ITGAM: variants seen among roughly 807,000 people sequenced by gnomAD.
The protein encoded by ITGAM is integrin subunit alpha M.
A neutral mutation model predicts 137.5 loss-of-function variants in ITGAM; 79 were observed. The observed-to-expected ratio is 0.57, with a 90% CI of 0.48 to 0.69. ITGAM has a LOEUF of 0.69. Ranked by LOEUF, ITGAM falls within the 30% of genes least tolerant of loss-of-function variation. The probability of loss-of-function intolerance (pLI) is 0.00; values close to 1 mark genes in which losing one functional copy is unlikely to be tolerated. For missense variants in ITGAM, 1,343 were observed against 1,483.5 expected (o/e 0.91, Z 1.56); for synonymous variants, 583 against 592.3 (o/e 0.98, Z 0.23).
rs932786430 is a variant in ITGAM, at chr16:31,331,159, C to T, written c.3277-6C>T. On this transcript the variant is annotated splice_region_variant and splice_polypyrimidine_tract_variant and intron_variant, in intron 28 of 29. Coordinates refer to ENST00000544665, the MANE Select transcript of ITGAM (RefSeq NM_000632.4). Reference sequence around the variant, plus strand: ...TCTCCCCTGACGCCCCTCCTTCCTCCCCCAGACGGAGACCAAAGTGGAGCC... The same window carrying T: ...TCTCCCCTGACGCCCCTCCTTCCTCTCCCAGACGGAGACCAAAGTGGAGCC... The T allele has an allele frequency of 2.6e-6, 4 of 1,554,496 alleles. No homozygotes were observed. Among genetic ancestry groups the T allele is most frequent in the Non-Finnish European group, 2.7e-6 (3 of 1,127,594 alleles).
At chr16:31,327,617 A>C (rs7192375) in intron 22 of ITGAM, among the ~76,000 whole-genome samples, 1 of 150,924 alleles carries the variant, frequency 6.6e-6, no homozygotes, top group East Asian at 1.9e-4. Flanking sequence ...TAATAATAAT[A>C]ATAAAAAATA....
intron 16 of ITGAM, among the ~76,000 whole-genome samples, chr16:31,323,559 GA>G (rs1380711054): frequency 1.3e-5 from 2 of 151,958 alleles, no homozygotes; most frequent in African/African-American, 4.8e-5. Context: ...AAGACAAAGA[GA>G]AAAAAATTTA....
intron 28 of ITGAM, 101 bp from the exon 29 acceptor site, chr16:31,331,056 GGGACATGA>G: frequency 1.6e-6 from 1 of 637,274 alleles, no homozygotes; most frequent in Non-Finnish European, 2.9e-6. Context: ...GGGGTTCTGG[GGGACATGA>G]GGAGGGGTTC....
chr16:31,270,672 C>A (rs1289160095), intron 5 of ITGAM, among the ~76,000 whole-genome samples: 1 of 105,806 alleles, frequency 9.5e-6, no homozygotes. Flanking sequence ...TGCCAACATG[C>A]CTGACTAATT....
chr16:31,284,786 C>G lies in ITGAM; in HGVS notation c.1356+6677C>G, dbSNP rs1439686983. Reference sequence around the variant, plus strand: ...ACCTCAGTTGGAAATGCAGAAATCACTTGTCTTCTGCGTCACTCACGCTGG... The same window carrying G: ...ACCTCAGTTGGAAATGCAGAAATCAGTTGTCTTCTGCGTCACTCACGCTGG... On this transcript the variant is annotated intron_variant, in intron 12 of 29. Transcript: ENST00000544665. 4.6e-5 allele frequency among the ~76,000 whole-genome samples: 7 copies of G among 152,158 alleles called. No homozygotes were observed. The East Asian group carries it at 1.4e-3, about 29-fold the overall frequency.
chr16:31,270,862 A>G, intron 5 of ITGAM, 92 bp from the exon 6 acceptor site: 1 of 696,434 alleles, frequency 1.4e-6, no homozygotes, highest in Non-Finnish European at 2.1e-6. Context: ...GGGGTCCTAT[A>G]TTCTCATTGT....
intron 1 of ITGAM, 103 bp downstream of exon 1, chr16:31,260,195 G>A: frequency 1.2e-6 from 1 of 807,100 alleles, no homozygotes; most frequent in Non-Finnish European, 1.9e-6. Flanking sequence ...TCTGGGGAGA[G>A]GCAAAGGGGA....
intron 14 of ITGAM, among the ~76,000 whole-genome samples, chr16:31,304,207 A>G (rs2144410020): frequency 6.6e-6 from 1 of 152,196 alleles, no homozygotes. Context: ...CATTTCCTTG[A>G]TGATTAGTGA....
chr16:31,302,944 CTTT>C (rs1567268518), intron 14 of ITGAM, among the ~76,000 whole-genome samples: 4 of 105,260 alleles, frequency 3.8e-5, no homozygotes, highest in African/African-American at 1.4e-4. Context: ...TTCTTTCTTT[CTTT>C]CTTTCTTTCT....
Position 31,277,995 on chromosome 16 carries a change from C to T in ITGAM, c.1242C>T (p.Asn414=). The T allele has an allele frequency of 6.2e-7, 1 of 1,602,594 alleles. No homozygotes were observed. Among genetic ancestry groups the T allele is most frequent in the Non-Finnish European group, 8.5e-7 (1 of 1,174,652 alleles). ...ATGCTGCCGCCATCATCTTACGGAACCGGGTGCAAAGCCTGGTTCTGGGGG... is the reference window on the plus strand; with the variant it reads ...ATGCTGCCGCCATCATCTTACGGAATCGGGTGCAAAGCCTGGTTCTGGGGG... ...LGYAAAIILR[N]RVQSLVLGAP... Residue 414 remains asparagine, a synonymous_variant, in exon 12 of 30, where the codon AAC becomes AAT. Transcript: ENST00000544665.
intron 2 of ITGAM, among the ~76,000 whole-genome samples, chr16:31,265,092 C>T (rs939077732): frequency 6.6e-6 from 1 of 152,072 alleles, no homozygotes; most frequent in Non-Finnish European, 1.5e-5. Flanking sequence ...TGATCTTGAA[C>T]TCCTGAGCTC....
intron 7 of ITGAM, 77 bp from the exon 8 acceptor site, chr16:31,273,288 T>A: frequency 7.8e-7 from 1 of 1,280,362 alleles, no homozygotes; most frequent in African/African-American, 1.5e-5. Flanking sequence ...AGAGTGAGTG[T>A]CTATTTCTTA....
At chr16:31,273,927 G>A (rs1424721878) in intron 8 of ITGAM, among the ~76,000 whole-genome samples, 1 of 152,174 alleles carries the variant, frequency 6.6e-6, no homozygotes, top group Non-Finnish European at 1.5e-5. Flanking sequence ...CATTCTCCAG[G>A]GCTAGCCTGG....
chr16:31,263,392 G>A (rs1009443208), intron 2 of ITGAM, among the ~76,000 whole-genome samples: 1 of 152,228 alleles, frequency 6.6e-6, no homozygotes, highest in African/African-American at 2.4e-5. Context: ...ATCCACGGGT[G>A]CATGAGCACG....
intron 14 of ITGAM, among the ~76,000 whole-genome samples, chr16:31,318,607 G>A (rs1268998842): frequency 6.6e-6 from 1 of 152,184 alleles, no homozygotes; most frequent in Non-Finnish European, 1.5e-5. Context: ...ACATCCCAAA[G>A]TGCTGGGATT....
chr16:31,327,729 A>C (rs565901552), intron 22 of ITGAM, among the ~76,000 whole-genome samples: 1 of 152,190 alleles, frequency 6.6e-6, no homozygotes, highest in African/African-American at 2.4e-5. Flanking sequence ...CGGGAAGATC[A>C]GGGTGTGTTT....
intron 12 of ITGAM, among the ~76,000 whole-genome samples, chr16:31,296,680 G>T (rs1301121107): frequency 6.6e-6 from 1 of 152,050 alleles, no homozygotes; most frequent in Non-Finnish European, 1.5e-5. Context: ...ACATCTCCCT[G>T]TTAATCCATT....
chr16:31,303,233 A>G (rs1306547192), intron 14 of ITGAM, among the ~76,000 whole-genome samples: 2 of 151,800 alleles, frequency 1.3e-5, no homozygotes, highest in African/African-American at 2.4e-5. Context: ...AAGTCTCACT[A>G]TGTTGGCCAG....
intron 14 of ITGAM, among the ~76,000 whole-genome samples, chr16:31,307,296 A>G (rs1411969418): frequency 6.6e-6 from 1 of 152,166 alleles, no homozygotes; most frequent in African/African-American, 2.4e-5. Context: ...ATGTTCTTCC[A>G]TTTGTTTGTA....
Sources: gnomAD v4.1 joint callset for allele counts (sites outside exome capture counted in the v4.1 genomes callset) on GRCh38, gnomAD v4.1.1 for gene constraint, MANE v1.5 for transcripts, NCBI Gene and HGNC (gene_info 2026-07-23, HGNC 2026-07-21) for gene names.